Variants in TMEM132C observed in about 807,000 individuals in gnomAD.
TMEM132C encodes transmembrane protein 132C, also known as protein phosphatase 1, regulatory subunit 152.
A neutral mutation model predicts 61.4 loss-of-function variants in TMEM132C; 29 were observed. The observed-to-expected ratio is 0.47, with a 90% CI of 0.35 to 0.64. TMEM132C has a LOEUF of 0.64. TMEM132C is among the 30% of genes least tolerant of loss of function. The probability of loss-of-function intolerance (pLI) is 0.00; values close to 1 mark genes in which losing one functional copy is unlikely to be tolerated. For synonymous variants in TMEM132C, 656 were observed against 633.1 expected, an observed-to-expected ratio of 1.04 and a Z score of -0.54; for missense variants, 1,408 against 1,476.9, an observed-to-expected ratio of 0.95 and a Z score of 0.76.
chr12:128,528,940 G>A lies in TMEM132C; in HGVS notation c.975-15017G>A, dbSNP rs143277316. 4.3e-3 allele frequency among the ~76,000 whole-genome samples: 650 copies of A among 152,248 alleles called. 6 individuals carry two copies. The highest frequency in any genetic ancestry group is 0.017 in the Middle Eastern group (5 of 292). On this transcript the variant is annotated intron_variant, in intron 2 of 8. Transcript: ENST00000435159. ...AAGTTACTGTCAACTGCGGGACTCA[G>A]CGGGGATTTTAGTTCCAAGGCTAAA...
intron 1 of TMEM132C, among the ~76,000 whole-genome samples, chr12:128,319,130 C>T (rs1030793919): frequency 2.0e-5 from 3 of 152,206 alleles, no homozygotes; most frequent in African/African-American, 7.2e-5. Context: ...TCTGGACTCT[C>T]TGCTCGTCTT....
At chr12:128,317,387 A>G (rs1287754164) in intron 1 of TMEM132C, among the ~76,000 whole-genome samples, 2 of 152,230 alleles carry the variant, frequency 1.3e-5, no homozygotes, top group African/African-American at 4.8e-5. Context: ...GGATCTTGGT[A>G]CTGGATGTTC....
chr12:128,387,906 C>A (rs909456547), intron 1 of TMEM132C, among the ~76,000 whole-genome samples: 21 of 152,326 alleles, frequency 1.4e-4, no homozygotes, highest in Middle Eastern at 3.4e-3. Flanking sequence ...CCCTGCCTGG[C>A]TCCAGGAACC....
chr12:128,436,500 C>G (rs541076607), intron 2 of TMEM132C, among the ~76,000 whole-genome samples: 4 of 152,196 alleles, frequency 2.6e-5, no homozygotes, highest in Non-Finnish European at 5.9e-5. Flanking sequence ...TGAACAGACA[C>G]TTCTCAAAAG....
At chr12:128,650,250 T>A (rs1176555885) in intron 4 of TMEM132C, among the ~76,000 whole-genome samples, 1 of 152,178 alleles carries the variant, frequency 6.6e-6, no homozygotes, top group Non-Finnish European at 1.5e-5. Flanking sequence ...AGAAGCCACA[T>A]GCCTGGACCC....
chr12:128,270,665 T>C (rs907295939), intron 1 of TMEM132C, among the ~76,000 whole-genome samples: 1 of 152,258 alleles, frequency 6.6e-6, no homozygotes, highest in Non-Finnish European at 1.5e-5. Flanking sequence ...ATGATGCTCT[T>C]GTCTTGTCCT....
chr12:128,661,553 A>C (rs1265836253), intron 4 of TMEM132C, among the ~76,000 whole-genome samples: 1 of 142,006 alleles, frequency 7.0e-6, no homozygotes, highest in Non-Finnish European at 1.5e-5. Flanking sequence ...TGGGATGAGA[A>C]GATGCTAAAA....
intron 4 of TMEM132C, among the ~76,000 whole-genome samples, chr12:128,659,436 T>C (rs919393017): frequency 4.6e-5 from 7 of 152,234 alleles, no homozygotes; most frequent in Non-Finnish European, 7.3e-5. Flanking sequence ...TAGTGAATAG[T>C]AGATTTCCCT....
rs1203213512 is a variant in TMEM132C at position 128,267,351 on chromosome 12, G to A, written c.-52G>A. On this transcript the variant is annotated 5_prime_UTR_variant, in exon 1 of 9. Transcript: ENST00000435159. ...GGGGCGGCCGGCGGGGGCCGCGGGC[G>A]GGCGCTGCGCTTCGGGCTGGCGGCG... 3 of 986,984 alleles carry A rather than the reference G, an allele frequency of 3.0e-6. No individual in the cohort carries two copies. The highest frequency in any genetic ancestry group is 1.1e-4 in the East Asian group (1 of 9,292). The allele number at this position is 986,984 out of a possible 1,614,324, so 61.1% of individuals were successfully genotyped here.
intron 2 of TMEM132C, among the ~76,000 whole-genome samples, chr12:128,539,363 T>C (rs1225743704): frequency 6.6e-6 from 1 of 152,152 alleles, no homozygotes; most frequent in Non-Finnish European, 1.5e-5. Flanking sequence ...ACACCTGTAA[T>C]CCCAGCACTT....
At chr12:128,298,818 C>T (rs543218071) in intron 1 of TMEM132C, among the ~76,000 whole-genome samples, 32 of 152,318 alleles carry the variant, frequency 2.1e-4, no homozygotes, top group African/African-American at 7.7e-4. Context: ...GGACCAAGGT[C>T]GCTGGTAGAG....
chr12:128,573,898 C>CAAAAAA (rs10689177), intron 3 of TMEM132C, among the ~76,000 whole-genome samples: 1 of 142,818 alleles, frequency 7.0e-6, no homozygotes, highest in Non-Finnish European at 1.5e-5. Flanking sequence ...TTTTTGCAAT[C>CAAAAAA]AAAAAAAAAA....
intron 1 of TMEM132C, among the ~76,000 whole-genome samples, chr12:128,310,178 A>G (rs1871922420): frequency 6.6e-6 from 1 of 152,246 alleles, no homozygotes; most frequent in Non-Finnish European, 1.5e-5. Context: ...ACCTTCATGT[A>G]TAAGTATTTA....
intron 3 of TMEM132C, among the ~76,000 whole-genome samples, chr12:128,546,612 A>G (rs1263036850): frequency 2.0e-5 from 3 of 152,118 alleles, no homozygotes; most frequent in Non-Finnish European, 4.4e-5. Context: ...GAAGATCTGA[A>G]TCTGCAGAAA....
At chr12:128,334,477 C>T (rs1630396) in intron 1 of TMEM132C, among the ~76,000 whole-genome samples, 4,737 of 152,240 alleles carry the variant, frequency 0.031, 74 homozygotes, top group African/African-American at 0.036. Flanking sequence ...CTTTAGAAGA[C>T]GTTTAACATT....
intron 2 of TMEM132C, among the ~76,000 whole-genome samples, chr12:128,518,105 T>C (rs1459077445): frequency 1.3e-5 from 2 of 152,226 alleles, no homozygotes; most frequent in African/African-American, 2.4e-5. Context: ...CGACATCTTA[T>C]GTGGCACAAA....
At chr12:128,646,867 A>G (rs1954204938) in intron 4 of TMEM132C, among the ~76,000 whole-genome samples, 1 of 146,060 alleles carries the variant, frequency 6.8e-6, no homozygotes, top group African/African-American at 2.6e-5. Context: ...TCAGCATTGG[A>G]TGAATGTGTT....
chr12:128,479,954 TG>T (rs1316728464), intron 2 of TMEM132C, among the ~76,000 whole-genome samples: 1 of 152,132 alleles, frequency 6.6e-6, no homozygotes, highest in Non-Finnish European at 1.5e-5. Context: ...CAGTAAATCA[TG>T]GGGGGAAAAG....
At position 128,367,097 on chromosome 12, in the gene TMEM132C, C is replaced by T. The variant is rs141836981; in HGVS notation, c.86-47635C>T. ...AGCATTCTAGAATGTGAAACTAGAA[C>T]ATGCAAAGGCCCTGAGGTAGGTGAA... On this transcript the variant is annotated intron_variant, in intron 1 of 8. Transcript: ENST00000435159. 2.5e-3 allele frequency among the ~76,000 whole-genome samples: 377 copies of T among 152,280 alleles called. 5 individuals are homozygous for T. The highest frequency in any genetic ancestry group is 3.0e-3 in the Non-Finnish European group (205 of 68,022).
Sources: allele counts gnomAD v4.1 joint callset (sites outside exome capture counted in the v4.1 genomes callset), GRCh38; gene constraint gnomAD v4.1.1; transcripts MANE v1.5; gene names NCBI Gene and HGNC (gene_info 2026-07-23, HGNC 2026-07-21).